Variants in JAKMIP2 observed in about 807,000 individuals in gnomAD.
JAKMIP2 encodes janus kinase and microtubule-interacting protein 2.
JAKMIP2 carries 25 observed loss-of-function variants against 115.0 expected under a neutral mutation model. The ratio of observed to expected loss-of-function variants is 0.22; its 90% confidence interval spans 0.16 to 0.30. The LOEUF (loss-of-function observed/expected upper bound fraction) is 0.30, where lower values mean the gene tolerates loss of function less well. Ranked by LOEUF, JAKMIP2 falls within the 10% of genes least tolerant of loss-of-function variation. The pLI is 1.00. For synonymous variants in JAKMIP2, 334 were observed against 343.6 expected, an observed-to-expected ratio of 0.97 and a Z score of 0.31; for missense variants, 642 against 957.6, an observed-to-expected ratio of 0.67 and a Z score of 4.35.
chr5:147,591,707 ATTAT>A (rs1561834500), intron 21 of JAKMIP2, 21 bp from the exon 22 acceptor site: 3 of 1,454,116 alleles, frequency 2.1e-6, no homozygotes, highest in Middle Eastern at 1.7e-4. Context: ...GAGGAAAAAA[ATTAT>A]TTATATATCA....
intron 1 of JAKMIP2, among the ~76,000 whole-genome samples, chr5:147,779,267 A>C (rs776771311): frequency 4.6e-5 from 7 of 152,122 alleles, no homozygotes; most frequent in Non-Finnish European, 8.8e-5. Context: ...TAATTAAAAC[A>C]AGTTTTACTA....
At chr5:147,721,888 T>C (rs910182618) in intron 1 of JAKMIP2, among the ~76,000 whole-genome samples, 7 of 152,164 alleles carry the variant, frequency 4.6e-5, no homozygotes, top group Non-Finnish European at 1.0e-4. Flanking sequence ...CTTAAAATTA[T>C]ATTTCTTTCA....
intron 2 of JAKMIP2, among the ~76,000 whole-genome samples, chr5:147,667,305 C>T (rs1249764551): frequency 6.6e-6 from 1 of 152,156 alleles, no homozygotes; most frequent in Non-Finnish European, 1.5e-5. Flanking sequence ...GGAAAGGTTA[C>T]ACTATGACAG....
At chr5:147,666,543 G>A (rs1050445332) in intron 2 of JAKMIP2, among the ~76,000 whole-genome samples, 15 of 152,116 alleles carry the variant, frequency 9.9e-5, no homozygotes, top group African/African-American at 3.1e-4. Context: ...TTAACCTCCC[G>A]GGCGGCTCTA....
intron 5 of JAKMIP2, among the ~76,000 whole-genome samples, chr5:147,645,714 T>A (rs116254514): frequency 0.016 from 2,507 of 152,288 alleles, 75 homozygotes; most frequent in African/African-American, 0.057. Flanking sequence ...TTGAGCCGGA[T>A]GTTTTTTTGA....
intron 1 of JAKMIP2, among the ~76,000 whole-genome samples, chr5:147,756,161 T>C (rs967867255): frequency 4.6e-5 from 7 of 152,212 alleles, no homozygotes; most frequent in Admixed American, 4.6e-4. Flanking sequence ...GAAGTACAAT[T>C]ATTTGAAAGA....
chr5:147,642,999 A>G (rs1457672521), intron 7 of JAKMIP2, among the ~76,000 whole-genome samples: 1 of 152,062 alleles, frequency 6.6e-6, no homozygotes, highest in African/African-American at 2.4e-5. Context: ...GCCCTGGAAC[A>G]TCAGACTCCA....
At chr5:147,650,849 T>G (rs1450339768) in intron 3 of JAKMIP2, among the ~76,000 whole-genome samples, 1 of 152,240 alleles carries the variant, frequency 6.6e-6, no homozygotes, top group Non-Finnish European at 1.5e-5. Context: ...ACAGTCTAAC[T>G]TTAAAATAGC....
At chr5:147,660,900 C>T in intron 3 of JAKMIP2, 48 bp downstream of exon 3, 1 of 1,584,718 alleles carries the variant, frequency 6.3e-7, no homozygotes, top group Non-Finnish European at 8.6e-7. Flanking sequence ...GCTCTGAAAC[C>T]TGGAAGAGAT....
chr5:147,702,668 G>C, intron 1 of JAKMIP2, among the ~76,000 whole-genome samples: 1 of 102,148 alleles, frequency 9.8e-6, no homozygotes, highest in South Asian at 3.5e-4. Context: ...AAGAAAGAGA[G>C]AGAAAGAAAG....
intron 1 of JAKMIP2, among the ~76,000 whole-genome samples, chr5:147,755,233 T>C (rs913711892): frequency 6.6e-6 from 1 of 152,198 alleles, no homozygotes; most frequent in Non-Finnish European, 1.5e-5. Flanking sequence ...ATAAGGATAC[T>C]GGCAGTGAGG....
intron 19 of JAKMIP2, among the ~76,000 whole-genome samples, chr5:147,616,960 T>C (rs1419494324): frequency 6.6e-6 from 1 of 152,194 alleles, no homozygotes; most frequent in East Asian, 1.9e-4. Flanking sequence ...GACCACACGA[T>C]TCTTACCGCC....
intron 1 of JAKMIP2, among the ~76,000 whole-genome samples, chr5:147,751,254 T>C (rs1754544295): frequency 7.5e-6 from 1 of 133,926 alleles, no homozygotes; most frequent in Non-Finnish European, 1.6e-5. Flanking sequence ...TTTTTTGTTG[T>C]TGTTTTTTTT....
chr5:147,586,428 T>C lies in JAKMIP2; in HGVS notation c.*5279A>G, dbSNP rs1754872202. ...AAATAGAAGTGTTGTTACTAACAGA[T>C]GCTGGGGATCTGTTTTAGTTGGAAA... On this transcript the variant is annotated 3_prime_UTR_variant, in exon 22 of 22. Coordinates refer to ENST00000616793, the MANE Select transcript of JAKMIP2 (RefSeq NM_001270941.2). The C allele has an allele frequency of 6.6e-6, 1 of 152,284 alleles. No homozygotes were observed. The highest frequency in any genetic ancestry group is 1.5e-5 in the Non-Finnish European group (1 of 68,032). The allele number at this position is 152,284 out of a possible 1,614,324, so 9.4% of individuals were successfully genotyped here. A position where few individuals can be genotyped will look rare whatever the true frequency, so the allele number is the denominator to read the frequency against.
intron 1 of JAKMIP2, among the ~76,000 whole-genome samples, chr5:147,780,571 CCTTGCCCTA>C (rs1470642118): frequency 1.4e-4 from 21 of 152,154 alleles, no homozygotes; most frequent in Non-Finnish European, 2.4e-4. Flanking sequence ...GTACCTCTTT[CCTTGCCCTA>C]CTTCATATAG....
chr5:147,771,559 T>G (rs1561586486), intron 1 of JAKMIP2, among the ~76,000 whole-genome samples: 1 of 152,072 alleles, frequency 6.6e-6, no homozygotes, highest in Non-Finnish European at 1.5e-5. Context: ...TATATTTGAT[T>G]CATCAAATGA....
chr5:147,700,426 AAGAC>A (rs1420706554), intron 1 of JAKMIP2, among the ~76,000 whole-genome samples: 2 of 151,798 alleles, frequency 1.3e-5, no homozygotes, highest in African/African-American at 4.8e-5. Context: ...TAGGAACAAA[AAGAC>A]AGATATTTAA....
At chr5:147,755,135 G>GT (rs1754697473) in intron 1 of JAKMIP2, among the ~76,000 whole-genome samples, 1 of 152,156 alleles carries the variant, frequency 6.6e-6, no homozygotes, top group Non-Finnish European at 1.5e-5. Context: ...AAATCCAAGA[G>GT]TTTTGAACAA....
chr5:147,611,988 AAG>A, intron 20 of JAKMIP2: 2 of 446,532 alleles, frequency 4.5e-6, no homozygotes, highest in Non-Finnish European at 4.2e-6. Context: ...TTTTTAAAAA[AAG>A]AGCAAAGTAG....
Sources: gnomAD v4.1 joint callset for allele counts (sites outside exome capture counted in the v4.1 genomes callset) on GRCh38, gnomAD v4.1.1 for gene constraint, MANE v1.5 for transcripts, NCBI Gene and HGNC (gene_info 2026-07-23, HGNC 2026-07-21) for gene names.